VPS52: variants seen among roughly 807,000 people sequenced by gnomAD.
The protein encoded by VPS52 is VPS52 subunit of GARP complex.
In VPS52, 56 loss-of-function variants were observed where a neutral mutation model predicts 98.7. That is an observed-to-expected ratio of 0.57 (90% CI 0.46 to 0.71). The LOEUF is 0.71. Ranked by LOEUF, VPS52 falls within the 30% of genes least tolerant of loss-of-function variation. VPS52 has a pLI of 0.00. For missense variants in VPS52, 742 were observed against 925.9 expected (o/e 0.80, Z 2.58); for synonymous variants, 348 against 346.4 (o/e 1.00, Z -0.05).
At position 33,261,244 on chromosome 6, in the gene VPS52, A is replaced by T. The variant is rs570646498; in HGVS notation, c.1794+2240T>A. Among the ~76,000 whole-genome samples the T allele has an allele frequency of 2.0e-5, 3 of 151,882 alleles. No individual in the cohort carries two copies. The East Asian group carries it at 5.9e-4, about 30-fold the overall frequency. On this transcript the variant is annotated intron_variant, in intron 17 of 19. Transcript: ENST00000445902. ...GCACTTGGGAGGCCCAGGTGGGAGG[A>T]TCACTTGAAGTCAGGAGTTCAAGAC...
At chr6:33,251,054 G>A in intron 19 of VPS52, 67 bp from the exon 20 acceptor site, 1 of 1,608,576 alleles carries the variant, frequency 6.2e-7, no homozygotes, top group African/African-American at 1.3e-5. Context: ...TTAAGAATCA[G>A]GTTAGGCGGC....
chr6:33,268,230 CAG>C lies in VPS52; in HGVS notation c.700-24_700-23del. Reference sequence around the variant, plus strand: ...CTGCCTAGATGTGGGGAACCAAACACAGGGCATGAAGCTGCAACCCTTTTGCT... The same window carrying C: ...CTGCCTAGATGTGGGGAACCAAACACGGCATGAAGCTGCAACCCTTTTGCT... On this transcript the variant is annotated intron_variant, in intron 7 of 19. Coordinates refer to ENST00000445902, the MANE Select transcript of VPS52 (RefSeq NM_022553.6). The surrounding 1 kb of genome is among the most constrained non-coding windows in gnomAD (Gnocchi z 4.0). 2 of 1,611,612 alleles carry C rather than the reference CAG, an allele frequency of 1.2e-6. No homozygotes were observed. The highest frequency in any genetic ancestry group is 1.7e-6 in the Non-Finnish European group (2 of 1,178,822).
Position 33,264,762 on chromosome 6 carries a change from A to G in VPS52, c.1400+20T>C. 6.2e-7 allele frequency: 1 copy of G among 1,608,182 alleles called. No homozygotes were observed. The highest frequency in any genetic ancestry group is 8.5e-7 in the Non-Finnish European group (1 of 1,175,404). The stretch of plus-strand genomic sequence containing the variant: ...GAGAGTTCGTGGCCTGTTGGGCATC[A>G]AGGACCAGAATTCAGTGACCTGTCC... On this transcript the variant is annotated intron_variant, in intron 13 of 19. Transcript: ENST00000445902.
intron 2 of VPS52, 28 bp downstream of exon 2, chr6:33,270,171 A>G (rs754029486): frequency 1.9e-6 from 3 of 1,612,244 alleles, no homozygotes; most frequent in South Asian, 2.2e-5. Context: ...GATTACAGGT[A>G]CTGCACCCAC....
chr6:33,264,589 A>G, intron 13 of VPS52, 92 bp from the exon 14 acceptor site: 4 of 1,572,814 alleles, frequency 2.5e-6, no homozygotes, highest in Non-Finnish European at 3.5e-6. Flanking sequence ...AATGGTCAAT[A>G]GCTAGTTGTG....
intron 17 of VPS52, 70 bp downstream of exon 17, chr6:33,263,414 C>CACACACACAGAGAG (rs142124369): frequency 8.2e-5 from 80 of 973,964 alleles, no homozygotes; most frequent in Middle Eastern, 6.3e-4. Flanking sequence ...CACACACACA[C>CACACACACAGAGAG]AGAGAGAGAG....
Position 33,263,854 on chromosome 6 carries a change from C to T in VPS52, c.1646G>A (p.Arg549Gln), listed in dbSNP as rs1763957639. ...CCTTGAGGAGAACTCAGCTGCCACT[C>T]GGAGGACAAAATTCTCCACCTCCAC... ...LQVEVENFVL[R>Q]VAAEFSSRKE... The change falls in exon 16 of 20, where the codon CGA becomes CAA. Residue 549 changes from arginine (R) to glutamine (Q), a missense_variant. Physicochemically the swap from Arg to Gln is conservative, Grantham distance 43 (BLOSUM62 1). Transcript: ENST00000445902. 5.0e-6 allele frequency: 8 copies of T among 1,614,174 alleles called. No homozygotes were observed. Among genetic ancestry groups the T allele is most frequent in the Non-Finnish European group, 4.2e-6 (5 of 1,180,030 alleles).
At chr6:33,254,109 A>G (rs1201831521) in intron 17 of VPS52, among the ~76,000 whole-genome samples, 2 of 151,838 alleles carry the variant, frequency 1.3e-5, no homozygotes, top group African/African-American at 4.8e-5. Context: ...TTAAAAATAA[A>G]TTATTAATAC....
chr6:33,263,583 G>A (rs1763928520), intron 16 of VPS52, 34 bp from the exon 17 acceptor site: 1 of 1,613,770 alleles, frequency 6.2e-7, no homozygotes, highest in Non-Finnish European at 8.5e-7. Flanking sequence ...TCTAGTTTGG[G>A]GAAAGCAGTC....
At position 33,267,830 on chromosome 6, in the gene VPS52, A is replaced by C. The variant is rs1764523899; in HGVS notation, c.933+35T>G. 1 of 1,612,996 alleles carries C rather than the reference A, an allele frequency of 6.2e-7. No individual in the cohort carries two copies. Among genetic ancestry groups the C allele is most frequent in the African/African-American group, 1.3e-5 (1 of 75,044 alleles). Reference sequence around the variant, plus strand: ...CAGGGATGTCCCCTCCTCCCAGTCCATGTGCCCAGGAATACCTCTCCCTCC... The same window carrying C: ...CAGGGATGTCCCCTCCTCCCAGTCCCTGTGCCCAGGAATACCTCTCCCTCC... On this transcript the variant is annotated intron_variant, in intron 9 of 19. Transcript: ENST00000445902. The surrounding 1 kb of genome is among the most constrained non-coding windows in gnomAD (Gnocchi z 4.2).
intron 17 of VPS52, among the ~76,000 whole-genome samples, chr6:33,263,097 CAT>C (rs1763822136): frequency 6.6e-6 from 1 of 151,414 alleles, no homozygotes; most frequent in African/African-American, 2.4e-5. Flanking sequence ...AAATAAAATT[CAT>C]TCTAAAAATA....
At chr6:33,252,409 T>C (rs1049652505) in intron 17 of VPS52, among the ~76,000 whole-genome samples, 1 of 152,068 alleles carries the variant, frequency 6.6e-6, no homozygotes, top group Admixed American at 6.6e-5. Context: ...GCCAACATGA[T>C]GAAACCCCAT....
At chr6:33,263,414 C>CAG (rs1554258932) in intron 17 of VPS52, 70 bp downstream of exon 17, 64,272 of 923,722 alleles carry the variant, frequency 0.07, 492 homozygotes, top group Non-Finnish European at 0.084. Context: ...CACACACACA[C>CAG]AGAGAGAGAG....
chr6:33,254,191 C>G (rs887776459), intron 17 of VPS52, among the ~76,000 whole-genome samples: 1 of 152,038 alleles, frequency 6.6e-6, no homozygotes, highest in African/African-American at 2.4e-5. Flanking sequence ...AGAAGAATCA[C>G]TTGAACCGGG....
chr6:33,262,241 A>G lies in VPS52; in HGVS notation c.1794+1243T>C, dbSNP rs528348257. ...TTGAATAGATATTTTTCAAAAGAAT[A>G]CAAATGGCAAACAGACATATATGAA... On this transcript the variant is annotated intron_variant, in intron 17 of 19. Transcript: ENST00000445902. 2.6e-5 allele frequency among the ~76,000 whole-genome samples: 4 copies of G among 152,274 alleles called. No homozygotes were observed. In the East Asian group the frequency reaches 7.7e-4, roughly 29 times the overall value.
Position 33,267,407 on chromosome 6 carries a change from C to T in VPS52, c.992-86G>A, listed in dbSNP as rs1031929522. On this transcript the variant is annotated intron_variant, in intron 10 of 19. Coordinates refer to ENST00000445902, the MANE Select transcript of VPS52 (RefSeq NM_022553.6). This position sits in a 1 kb window ranked among gnomAD's most constrained non-coding sequence, Gnocchi z 4.2. ...TCTGTGGGGACCCCAGACAGGCAGA[C>T]GTGGCCTAGCCAGCCCTCTTTCCCA... The T allele has an allele frequency of 9.3e-6, 14 of 1,510,228 alleles. No homozygotes were observed. Among genetic ancestry groups the T allele is most frequent in the Admixed American group, 4.6e-5 (2 of 43,736 alleles). The allele number at this position is 1,510,228 out of a possible 1,614,324, so 93.6% of individuals were successfully genotyped here.
chr6:33,251,257 A>G (rs1762198362), intron 19 of VPS52, among the ~76,000 whole-genome samples: 1 of 151,626 alleles, frequency 6.6e-6, no homozygotes. Flanking sequence ...CAGGAAAATC[A>G]CTTGAACCTG....
intron 11 of VPS52, among the ~76,000 whole-genome samples, chr6:33,266,955 G>A (rs1418301553): frequency 6.6e-6 from 1 of 152,148 alleles, no homozygotes; most frequent in Non-Finnish European, 1.5e-5. Context: ...CTCAACACCT[G>A]CCTCTGACTG....
At position 33,268,192 on chromosome 6, in the gene VPS52, C is replaced by A; in HGVS notation, c.716G>T (p.Arg239Leu). ...RLRVKAVTKI[R>L]EFILQKIYSF... ...ATAAATCTTCTGGAGGATAAACTCT[C>A]GGATCTTCGTCACTGCCTAGATGTG... The change falls in exon 8 of 20, where the codon CGA becomes CTA. Residue 239 changes from arginine (R) to leucine (L), a missense_variant. By Grantham distance (102) the Arg-to-Leu change is moderately radical. Coordinates refer to ENST00000445902, the MANE Select transcript of VPS52 (RefSeq NM_022553.6). The surrounding 1 kb of genome is among the most constrained non-coding windows in gnomAD (Gnocchi z 4.0). 1 of 1,613,076 alleles carries A rather than the reference C, an allele frequency of 6.2e-7. No individual in the cohort carries two copies. The highest frequency in any genetic ancestry group is 8.5e-7 in the Non-Finnish European group (1 of 1,180,030).
Sources: gnomAD v4.1 joint callset for allele counts (sites outside exome capture counted in the v4.1 genomes callset) on GRCh38, gnomAD v4.1.1 for gene constraint, Gnocchi (gnomAD v3.1) non-coding constraint, MANE v1.5 for transcripts, NCBI Gene and HGNC (gene_info 2026-07-23, HGNC 2026-07-21) for gene names.